Variants in RIF1 observed in about 807,000 individuals in gnomAD.
The protein encoded by RIF1 is replication timing regulatory factor 1.
A neutral mutation model predicts 247.1 loss-of-function variants in RIF1; 45 were observed. That is an observed-to-expected ratio of 0.18 (90% CI 0.14 to 0.23). The LOEUF (loss-of-function observed/expected upper bound fraction) is 0.23. RIF1 is among the 10% of genes least tolerant of loss of function. RIF1 has a pLI of 1.00. For synonymous variants in RIF1, 1,087 were observed against 978.8 expected, an observed-to-expected ratio of 1.11 and a Z score of -2.06; for missense variants, 2,967 against 2,862.5, an observed-to-expected ratio of 1.04 and a Z score of -0.83.
chr2:151,465,941 A>G lies in RIF1; in HGVS notation c.6421A>G (p.Asn2141Asp). 6.2e-7 allele frequency: 1 copy of G among 1,614,198 alleles called. No homozygotes were observed. The highest frequency in any genetic ancestry group is 8.5e-7 in the Non-Finnish European group (1 of 1,180,018). Residue 2141 changes from asparagine (N) to aspartate (D), a missense_variant, in exon 30 of 36, where the codon AAT becomes GAT. Coordinates refer to ENST00000444746, the MANE Select transcript of RIF1 (RefSeq NM_018151.5). The part of the protein sequence containing the change: ...TAISELIIED[N>D]NASPQKLREL... Reference sequence around the variant, plus strand: ...TATCTCTGAGCTAATAATAGAAGACAATAATGCATCTCCTCAAAAACTAAG... The same window carrying G: ...TATCTCTGAGCTAATAATAGAAGACGATAATGCATCTCCTCAAAAACTAAG...
At chr2:151,494,793 C>T (rs190319656) in intron 9 of RIF1, among the ~76,000 whole-genome samples, 38 of 152,212 alleles carry the variant, frequency 2.5e-4, no homozygotes, top group African/African-American at 8.2e-4. Flanking sequence ...GGATTACAGG[C>T]GTGCACCACC....
At chr2:151,483,150 G>A (rs952228947), downstream of RIF1, 3 of 152,102 alleles carry the variant, frequency 2.0e-5, no homozygotes, top group Non-Finnish European at 4.4e-5. Context: ...ACATTTGAGT[G>A]AGATTTGATT....
intron 7 of RIF1, among the ~76,000 whole-genome samples, chr2:151,422,147 A>G (rs927902487): frequency 6.6e-6 from 1 of 152,072 alleles, no homozygotes; most frequent in Admixed American, 6.6e-5. Flanking sequence ...TCTTTCTTTA[A>G]CCCATTTATC....
At chr2:151,474,215 C>G (rs957498740) in intron 35 of RIF1, 143 bp downstream of exon 35, 1 of 595,962 alleles carries the variant, frequency 1.7e-6, no homozygotes, top group East Asian at 3.0e-5. Flanking sequence ...AAAAACTAAC[C>G]GATTGGACAT....
downstream of RIF1, chr2:151,508,067 C>T: frequency 1.2e-6 from 2 of 1,610,578 alleles, no homozygotes; most frequent in Non-Finnish European, 1.7e-6. Context: ...AAAACAGTCT[C>T]ATAATACGAC....
rs2058054071 is a variant in RIF1 at position 151,493,412 on chromosome 2, G to C, written c.*416-1817G>C. 1 of 1,608,088 alleles carries C rather than the reference G, an allele frequency of 6.2e-7. No individual in the cohort carries two copies. The highest frequency in any genetic ancestry group is 8.5e-7 in the Non-Finnish European group (1 of 1,178,132). On this transcript the variant is annotated intron_variant and NMD_transcript_variant, in intron 9 of 13. Coordinates refer to the RIF1 transcript ENST00000454583. ...TCCATCTCTGGAGTAACAGGTGTCG[G>C]AGTTGCTTTTCTCATGTTCTCTTTG...
At chr2:151,420,476 C>T in intron 7 of RIF1, 97 bp downstream of exon 7, 1 of 1,163,852 alleles carries the variant, frequency 8.6e-7, no homozygotes, top group South Asian at 1.5e-5. Context: ...CGGTGGCTCT[C>T]ACCTGTAGTC....
At chr2:151,428,962 G>C in intron 9 of RIF1, 40 bp downstream of exon 9, 7 of 1,309,798 alleles carry the variant, frequency 5.3e-6, no homozygotes, top group Non-Finnish European at 7.5e-6. Flanking sequence ...CTGTGAATTT[G>C]TTTTGCTTAA....
chr2:151,410,569 A>G (rs746383270), intron 2 of RIF1, 42 bp downstream of exon 2: 48 of 1,487,984 alleles, frequency 3.2e-5, no homozygotes, highest in Admixed American at 5.3e-5. Context: ...GGGGCGCTCT[A>G]TAGTGGGGAG....
chr2:151,498,891 T>TAAAAA (rs66881625), intron 10 of RIF1, among the ~76,000 whole-genome samples: 2,297 of 150,250 alleles, frequency 0.015, 52 homozygotes, highest in African/African-American at 0.046. Flanking sequence ...GATAAGGTGC[T>TAAAAA]AAAAAAAAGA....
At position 151,481,955 on chromosome 2, in the gene RIF1, C is replaced by T. The variant is rs1163292245; in HGVS notation, c.*6884C>T. ...TCCCTGTTGAAAAAAGGTTAGGGGA[C>T]CACTGCTTTATACAGTGTTTGAAGT... is the stretch of plus-strand genomic sequence containing the variant. On this transcript the variant is annotated 3_prime_UTR_variant, in exon 36 of 36. Transcript: ENST00000444746. 6.6e-6 allele frequency: 1 copy of T among 152,166 alleles called. No individual in the cohort carries two copies. The highest frequency in any genetic ancestry group is 1.5e-5 in the Non-Finnish European group (1 of 68,026). The allele number at this position is 152,166 out of a possible 1,614,324, so 9.4% of individuals were successfully genotyped here.
chr2:151,456,460 T>G (rs923575906), intron 22 of RIF1, 118 bp from the exon 23 acceptor site: 14 of 599,430 alleles, frequency 2.3e-5, no homozygotes, highest in Non-Finnish European at 3.7e-5. Context: ...GGGCACCTTT[T>G]TATATCATCA....
chr2:151,445,590 AG>A, intron 19 of RIF1, 145 bp downstream of exon 19: 1 of 627,228 alleles, frequency 1.6e-6, no homozygotes, highest in Non-Finnish European at 2.8e-6. Flanking sequence ...ATTGTCGTCC[AG>A]GCTTGGAGTA....
At chr2:151,494,561 A>T (rs2152887149) in intron 9 of RIF1, among the ~76,000 whole-genome samples, 1 of 152,290 alleles carries the variant, frequency 6.6e-6, no homozygotes, top group Non-Finnish European at 1.5e-5. Flanking sequence ...GAGATGATCC[A>T]AACAGGAGTT....
At chr2:151,414,286 C>T (rs1394651364) in intron 3 of RIF1, among the ~76,000 whole-genome samples, 2 of 145,172 alleles carry the variant, frequency 1.4e-5, no homozygotes, top group East Asian at 4.1e-4. Context: ...AACTCTGTCT[C>T]AAAAAAAAAA....
downstream of RIF1, among the ~76,000 whole-genome samples, chr2:151,482,545 G>C (rs2049211031): frequency 6.6e-6 from 1 of 152,102 alleles, no homozygotes. Context: ...CGAGGGCAGA[G>C]GTGGCACTGC....
downstream of RIF1, among the ~76,000 whole-genome samples, chr2:151,511,150 G>A (rs2153231421): frequency 6.6e-6 from 1 of 152,306 alleles, no homozygotes; most frequent in Non-Finnish European, 1.5e-5. Context: ...AAAGCAGAAG[G>A]TAAAAGGCTG....
chr2:151,502,470 T>C (rs952590767), intron 11 of RIF1, among the ~76,000 whole-genome samples: 11 of 152,204 alleles, frequency 7.2e-5, no homozygotes, highest in Admixed American at 6.5e-4. Flanking sequence ...CTAATTAACA[T>C]TGTCCTTTTG....
At chr2:151,459,242 T>A (rs141606599) in intron 25 of RIF1, among the ~76,000 whole-genome samples, 6 of 152,224 alleles carry the variant, frequency 3.9e-5, no homozygotes, top group Non-Finnish European at 8.8e-5. Flanking sequence ...CATTTTCTTA[T>A]TTTTAAAAAA....
Sources: allele counts gnomAD v4.1 joint callset (sites outside exome capture counted in the v4.1 genomes callset), GRCh38; gene constraint gnomAD v4.1.1; transcripts MANE v1.5; gene names NCBI Gene and HGNC (gene_info 2026-07-23, HGNC 2026-07-21).